The following CAMK2B variants were observed in gnomAD, a reference collection of about 807,000 sequenced individuals.
CAMK2B encodes calcium/calmodulin dependent protein kinase II beta, also known as calcium/calmodulin-dependent protein kinase type II subunit beta.
Under a neutral mutation model 93.7 loss-of-function variants are expected in CAMK2B, and 27 were observed. The ratio of observed to expected loss-of-function variants is 0.29; its 90% CI spans 0.21 to 0.40. CAMK2B has a LOEUF of 0.40. Among genes scored for constraint, CAMK2B ranks in the 10% least tolerant of loss-of-function variants. CAMK2B has a pLI of 1.00. For synonymous variants in CAMK2B, 374 were observed against 358.8 expected, an observed-to-expected ratio of 1.04 and a Z score of -0.48; for missense variants, 568 against 895.8, an observed-to-expected ratio of 0.63 and a Z score of 4.67.
At position 44,284,040 on chromosome 7, in the gene CAMK2B, G is replaced by A. The variant is rs372995743; in HGVS notation, c.160+91C>T. ...TGGGCCAAGTGCTGGCCAAGACTGG[G>A]AGGGGCCTGCTGCCCAGTCCACAGG... On this transcript the variant is annotated intron_variant, in intron 2 of 23. Transcript: ENST00000395749. 1.3e-4 allele frequency: 118 copies of A among 906,674 alleles called. 1 individual carries two copies. In the East Asian group the frequency reaches 1.4e-3, roughly 11 times the overall value. 56.2% of individuals were successfully genotyped at this position (906,674 alleles called of 1,614,324 possible).
intron 1 of CAMK2B, among the ~76,000 whole-genome samples, chr7:44,293,104 T>A (rs1584697986): frequency 2.0e-5 from 3 of 152,060 alleles, no homozygotes; most frequent in Admixed American, 2.0e-4. Context: ...TCAGAGCCCC[T>A]CTCCCAGGGG....
chr7:44,324,094 A>ACGTG (rs1386587911), intron 1 of CAMK2B: 1 of 152,468 alleles, frequency 6.6e-6, no homozygotes, highest in Non-Finnish European at 1.5e-5. Flanking sequence ...TTCTCTCCAC[A>ACGTG]CGTGCAGGGA....
rs374727058 is a variant in CAMK2B, at chr7:44,256,707, C to T, written c.276-2100G>A. Among the ~76,000 whole-genome samples, 17 of 152,338 alleles carry T rather than the reference C, an allele frequency of 1.1e-4. No individual in the cohort carries two copies. In the South Asian group the frequency reaches 2.1e-3, roughly 19 times the overall value. On this transcript the variant is annotated intron_variant, in intron 4 of 23. Transcript: ENST00000395749. ...ACAGAACAGTGGCTAAAAGGCCTTA[C>T]GGTCTTGAGCCAGGGCTGCAGCCCA...
At chr7:44,261,187 C>A (rs983920687) in intron 3 of CAMK2B, among the ~76,000 whole-genome samples, 1 of 152,258 alleles carries the variant, frequency 6.6e-6, no homozygotes, top group African/African-American at 2.4e-5. Context: ...CCTGTGAAAT[C>A]TCTGGAGTTA....
At chr7:44,307,135 A>G (rs1584841922) in intron 1 of CAMK2B, among the ~76,000 whole-genome samples, 3 of 89,426 alleles carry the variant, frequency 3.4e-5, no homozygotes, top group Admixed American at 1.1e-4. Flanking sequence ...GAGCAGGGGG[A>G]GGAGGGTGTG....
intron 1 of CAMK2B, among the ~76,000 whole-genome samples, chr7:44,324,543 G>T (rs1034941935): frequency 2.0e-5 from 3 of 152,154 alleles, no homozygotes; most frequent in African/African-American, 7.2e-5. Context: ...GAGAGAACGG[G>T]AGCCACAGCA....
Position 44,241,790 on chromosome 7 carries a change from G to A in CAMK2B, c.820-7C>T, listed in dbSNP as rs746663256. ...ATGCTACCGTGGAGCGTTGCTGTGG[G>A]GAAATGGGTGGTCATATGGCAGCCG... is the stretch of plus-strand genomic sequence containing the variant. On this transcript the variant is annotated splice_polypyrimidine_tract_variant and splice_region_variant and intron_variant, in intron 10 of 23. Transcript: ENST00000395749. 6.2e-7 allele frequency: 1 copy of A among 1,610,572 alleles called. No individual in the cohort carries two copies. Among genetic ancestry groups the A allele is most frequent in the Non-Finnish European group, 8.5e-7 (1 of 1,177,308 alleles).
intron 1 of CAMK2B, among the ~76,000 whole-genome samples, chr7:44,307,159 G>T (rs1792048704): frequency 7.2e-6 from 1 of 138,332 alleles, no homozygotes; most frequent in Non-Finnish European, 1.6e-5. Context: ...AGAGGGAGGA[G>T]GGTGTGAGCA....
intron 5 of CAMK2B, among the ~76,000 whole-genome samples, chr7:44,252,994 C>T (rs1266286124): frequency 6.6e-6 from 1 of 152,202 alleles, no homozygotes; most frequent in Admixed American, 6.5e-5. Context: ...CCAAGAGACT[C>T]ACCAGCTTTG....
intron 5 of CAMK2B, among the ~76,000 whole-genome samples, chr7:44,252,812 C>T (rs758749771): frequency 6.6e-6 from 1 of 152,234 alleles, no homozygotes; most frequent in African/African-American, 2.4e-5. Flanking sequence ...AGCAGGGGGA[C>T]AGGGCTCCGT....
chr7:44,239,539 G>C, intron 13 of CAMK2B, 50 bp downstream of exon 13: 2 of 1,476,514 alleles, frequency 1.4e-6, no homozygotes, highest in East Asian at 2.5e-5. Flanking sequence ...CTGCATGCTG[G>C]CAGGAGGGAC....
Position 44,234,430 on chromosome 7 carries a change from G to A in CAMK2B, c.1091C>T (p.Ala364Val). The change falls in exon 15 of 24, where the codon GCC (alanine) becomes GTC (valine). Residue 364 changes from alanine (A) to valine (V), a missense_variant. Ala to Val is a moderately conservative substitution (Grantham distance 64, BLOSUM62 0). This residue lies in a region of CAMK2B where 308 missense variants were observed against 292.1 expected (regional missense o/e 1.05). Transcript: ENST00000395749. ...AAGCGTCCCTTTGGGGCTGGTGGCG[G>A]CTGCACTGTTTTTGGTGCTATTCGT... is the stretch of plus-strand genomic sequence containing the variant. ...PQTNSTKNSA[A>V]ATSPKGTLPP... 1 of 1,549,950 alleles carries A rather than the reference G, an allele frequency of 6.5e-7. No homozygotes were observed. The highest frequency in any genetic ancestry group is 8.7e-7 in the Non-Finnish European group (1 of 1,152,146).
At chr7:44,239,948 T>C (rs2096660556) in intron 12 of CAMK2B, among the ~76,000 whole-genome samples, 1 of 152,100 alleles carries the variant, frequency 6.6e-6, no homozygotes, top group Admixed American at 6.5e-5. Context: ...GTCCTATTAG[T>C]GTTGGTGTGA....
intron 16 of CAMK2B, among the ~76,000 whole-genome samples, chr7:44,231,667 C>T (rs974225808): frequency 1.3e-5 from 2 of 152,186 alleles, no homozygotes; most frequent in African/African-American, 2.4e-5. Flanking sequence ...GCATTCCTGT[C>T]GCCCACATTC....
chr7:44,298,378 C>A (rs1788896450), intron 1 of CAMK2B, among the ~76,000 whole-genome samples: 1 of 152,174 alleles, frequency 6.6e-6, no homozygotes, highest in Admixed American at 6.5e-5. Context: ...ACACAACATA[C>A]AAACAATAAC....
At chr7:44,233,393 C>T (rs1231766921) in intron 15 of CAMK2B, among the ~76,000 whole-genome samples, 6 of 152,280 alleles carry the variant, frequency 3.9e-5, no homozygotes, top group Admixed American at 6.5e-5. Flanking sequence ...CCTCCAGCCA[C>T]GGCCTGGCTG....
chr7:44,271,300 T>C lies in CAMK2B; in HGVS notation c.161-8236A>G, dbSNP rs996451882. Among the ~76,000 whole-genome samples the C allele has an allele frequency of 6.6e-6, 1 of 152,114 alleles. No individual in the cohort carries two copies. Among genetic ancestry groups the C allele is most frequent in the African/African-American group, 2.4e-5 (1 of 41,410 alleles). On this transcript the variant is annotated intron_variant, in intron 2 of 23. Transcript: ENST00000395749. This position sits in a 1 kb window ranked among gnomAD's most constrained non-coding sequence, Gnocchi z 4.2. ...GCACCCTGCCTGGTACCAACACACT[T>C]AACTCAAGCGTCCCAATTCACTTCA...
Position 44,228,859 on chromosome 7 carries a change from G to A in CAMK2B, c.1405C>T (p.Pro469Ser). Residue 469 changes from proline to serine, a missense_variant, in exon 19 of 24, where the codon CCC becomes TCC. Transcript: ENST00000395749. ...RGSGTPEAEGPLSAGPPPCLS... is the reference protein window; with the variant it reads ...RGSGTPEAEGSLSAGPPPCLS... ...CAGGGCGGGGGCCCCGCTGAGAGGG[G>A]GCCCTCGGCTTCTGGGGTTCCTGAA... 3.9e-6 allele frequency: 6 copies of A among 1,531,848 alleles called. No homozygotes were observed. Among genetic ancestry groups the A allele is most frequent in the Middle Eastern group, 1.8e-4 (1 of 5,594 alleles). 94.9% of individuals were successfully genotyped at this position (1,531,848 alleles called of 1,614,324 possible). A position where few individuals can be genotyped will look rare whatever the true frequency, so the allele number is the denominator to read the frequency against.
chr7:44,273,220 C>T (rs1046951595), intron 2 of CAMK2B, among the ~76,000 whole-genome samples: 2 of 152,198 alleles, frequency 1.3e-5, no homozygotes, highest in Non-Finnish European at 2.9e-5. Context: ...GGGGCCACCT[C>T]ACCTCGTTGT....
Sources: allele counts gnomAD v4.1 joint callset (sites outside exome capture counted in the v4.1 genomes callset), GRCh38; gene constraint gnomAD v4.1.1; regional missense constraint gnomAD v4.1.1; non-coding constraint Gnocchi (gnomAD v3.1); transcripts MANE v1.5; gene names NCBI Gene and HGNC (gene_info 2026-07-23, HGNC 2026-07-21).